Variants in MNT observed in about 807,000 individuals in gnomAD.
MNT encodes the protein max-binding protein MNT.
Under a neutral mutation model 40.7 loss-of-function variants are expected in MNT, and 13 were observed. The observed-to-expected ratio is 0.32, with a 90% CI of 0.21 to 0.51. The LOEUF (loss-of-function observed/expected upper bound fraction) is 0.51. MNT is among the 20% of genes least tolerant of loss of function. MNT has a pLI of 0.98. For synonymous variants in MNT, 426 were observed against 354.8 expected (o/e 1.20, Z -2.26); for missense variants, 757 against 792.0 (o/e 0.96, Z 0.53).
intron 1 of MNT, among the ~76,000 whole-genome samples, chr17:2,398,434 C>A (rs1040794896): frequency 2.0e-5 from 3 of 152,164 alleles, no homozygotes; most frequent in African/African-American, 7.2e-5. Context: ...GTCCTAGGTC[C>A]CGGGAAAGCG....
intron 1 of MNT, among the ~76,000 whole-genome samples, chr17:2,399,378 C>G (rs779752632): frequency 6.6e-6 from 1 of 152,196 alleles, no homozygotes; most frequent in Non-Finnish European, 1.5e-5. Flanking sequence ...CTTTCTCATC[C>G]TGGCTCATTC....
rs879922752 is a variant in MNT, at chr17:2,394,023, C to G, written c.807+20G>C. ...GGAGGGCGGGGGAAGCTGCGCGACGCCGGCCTCCGGGCCCCATACCTGGAT... is the reference window on the plus strand; with the variant it reads ...GGAGGGCGGGGGAAGCTGCGCGACGGCGGCCTCCGGGCCCCATACCTGGAT... On this transcript the variant is annotated intron_variant, in intron 4 of 5. Transcript: ENST00000174618. 4.5e-6 allele frequency: 7 copies of G among 1,539,850 alleles called. No individual in the cohort carries two copies. The highest frequency in any genetic ancestry group is 4.4e-6 in the Non-Finnish European group (5 of 1,140,612).
rs1567871391 is a variant in MNT at position 2,400,994 on chromosome 17, C to T, written c.-282G>A. ...CTTCTTCCCCTCCCTCTCTACCTCC[C>T]TTCCGATGCCTCCCGCCCCGCGGCC... On this transcript the variant is annotated 5_prime_UTR_variant, in exon 1 of 6. Transcript: ENST00000174618. The T allele has an allele frequency of 3.2e-6, 1 of 315,514 alleles. No homozygotes were observed. The highest frequency in any genetic ancestry group is 5.8e-6 in the Non-Finnish European group (1 of 171,592). 19.5% of individuals were successfully genotyped at this position (315,514 alleles called of 1,614,324 possible).
intron 4 of MNT, chr17:2,388,260 G>A: frequency 1.9e-6 from 1 of 538,812 alleles, no homozygotes; most frequent in Non-Finnish European, 3.3e-6. Context: ...TGGGCTCTTG[G>A]GACAGGCACC....
At chr17:2,399,600 G>A (rs572925895) in intron 1 of MNT, among the ~76,000 whole-genome samples, 24 of 152,200 alleles carry the variant, frequency 1.6e-4, no homozygotes, top group African/African-American at 5.5e-4. Context: ...CCCAGAGGCC[G>A]GGGCCCGGGC....
At chr17:2,391,262 T>A (rs2066511501) in intron 4 of MNT, 2 of 152,466 alleles carry the variant, frequency 1.3e-5, no homozygotes, top group African/African-American at 2.4e-5. Context: ...GTGCTGGGAT[T>A]ACAGGCGTGA....
At position 2,387,072 on chromosome 17, in the gene MNT, G is replaced by T; in HGVS notation, c.1578C>A (p.His526Gln). ...AVSHIAHTLS[H>Q]QQVNGTAGLG... ...GGCCGGCCGTGCCGTTGACTTGCTG[G>T]TGCGAGAGGGTGTGGGCGATGTGGC... Residue 526 changes from histidine (H) to glutamine (Q), a missense_variant, in exon 6 of 6, where the codon CAC becomes CAA. By Grantham distance (24) the His-to-Gln change is conservative. Around this residue, in one of 4 missense-constraint regions of MNT, gnomAD observed 345 missense variants for 380.1 expected, o/e 0.91. Coordinates refer to ENST00000174618, the MANE Select transcript of MNT (RefSeq NM_020310.3). 2 of 1,567,052 alleles carry T rather than the reference G, an allele frequency of 1.3e-6. No individual in the cohort carries two copies. Among genetic ancestry groups the T allele is most frequent in the South Asian group, 2.3e-5 (2 of 85,696 alleles).
chr17:2,388,796 C>T (rs1262138733), intron 4 of MNT, among the ~76,000 whole-genome samples: 4 of 152,168 alleles, frequency 2.6e-5, no homozygotes, highest in African/African-American at 4.8e-5. Context: ...TGCTCCAACC[C>T]GACACTTCAT....
intron 4 of MNT, chr17:2,388,293 G>GT: frequency 2.0e-6 from 1 of 506,614 alleles, no homozygotes; most frequent in South Asian, 2.8e-5. Context: ...TCAACCAGGT[G>GT]TGCAGGTCCT....
At chr17:2,392,399 G>T (rs1220030271) in intron 4 of MNT, among the ~76,000 whole-genome samples, 1 of 152,172 alleles carries the variant, frequency 6.6e-6, no homozygotes, top group African/African-American at 2.4e-5. Flanking sequence ...TGCGGCTGCT[G>T]CTGAGTCTTC....
intron 1 of MNT, among the ~76,000 whole-genome samples, chr17:2,398,737 C>T (rs540072871): frequency 2.6e-5 from 4 of 152,214 alleles, no homozygotes; most frequent in East Asian, 1.9e-4. Flanking sequence ...CTTAATCTCT[C>T]CGAACCTTGT....
Position 2,386,914 on chromosome 17 carries a change from A to T in MNT, c.1736T>A (p.Leu579His). 1 of 1,477,302 alleles carries T rather than the reference A, an allele frequency of 6.8e-7. No homozygotes were observed. The highest frequency in any genetic ancestry group is 9.0e-7 in the Non-Finnish European group (1 of 1,112,102). The allele number at this position is 1,477,302 out of a possible 1,614,324, so 91.5% of individuals were successfully genotyped here. A position where few individuals can be genotyped will look rare whatever the true frequency, so the allele number is the denominator to read the frequency against. The change falls in exon 6 of 6, where the codon CTC (leucine) becomes CAC (histidine). Residue 579 changes from leucine to histidine, a missense_variant. Leu to His is a moderately conservative substitution (Grantham distance 99). Coordinates refer to ENST00000174618, the MANE Select transcript of MNT (RefSeq NM_020310.3). The stretch of plus-strand genomic sequence containing the variant: ...GTGGCCTCGTCCTCAAGCCAGCTTG[A>T]GTGTGCTGACTGGGAAGGAGGGCAT... ...VTMPSFPVST[L>H]KLA
chr17:2,393,549 T>C (rs1319902505), intron 4 of MNT, among the ~76,000 whole-genome samples: 1 of 152,012 alleles, frequency 6.6e-6, no homozygotes, highest in Admixed American at 6.5e-5. Context: ...GAAAAGACCT[T>C]CCTCCTTTGG....
At position 2,400,568 on chromosome 17, in the gene MNT, G is replaced by A; in HGVS notation, c.73+72C>T. The A allele has an allele frequency of 4.2e-6, 6 of 1,443,698 alleles. No individual in the cohort carries two copies. The South Asian group carries it at 6.8e-5, about 16-fold the overall frequency. 89.4% of individuals were successfully genotyped at this position (1,443,698 alleles called of 1,614,324 possible). On this transcript the variant is annotated intron_variant, in intron 1 of 5. Transcript: ENST00000174618. ...GGGAGGGGGCCCTGTCCGCGGTTTC[G>A]CGTGGGTTCGGGGACCGGGGTCACT...
intron 4 of MNT, chr17:2,391,538 C>T (rs2066514535): frequency 6.6e-6 from 1 of 152,298 alleles, no homozygotes; most frequent in Non-Finnish European, 1.5e-5. Context: ...CACATTGCTT[C>T]AATCTAAACC....
At chr17:2,397,597 C>T (rs2066586485) in intron 1 of MNT, among the ~76,000 whole-genome samples, 1 of 152,166 alleles carries the variant, frequency 6.6e-6, no homozygotes, top group Non-Finnish European at 1.5e-5. Context: ...TTCTCACCTG[C>T]CCTCTCTCAC....
intron 1 of MNT, chr17:2,396,982 TCAA>T (rs1268229295): frequency 6.6e-6 from 1 of 152,290 alleles, no homozygotes; most frequent in Non-Finnish European, 1.5e-5. Flanking sequence ...CTTTGGCCAA[TCAA>T]CAACTGGAGT....
In MNT at chr17:2,394,129, C is replaced by G; in HGVS notation, c.721G>C (p.Glu241Gln). The G allele has an allele frequency of 6.2e-7, 1 of 1,608,956 alleles. No homozygotes were observed. The highest frequency in any genetic ancestry group is 1.1e-5 in the South Asian group (1 of 90,696). ...NRRAHLKECF[E>Q]TLKRNIPNVD... ...TTGGGGATGTTCCGCTTCAGGGTCT[C>G]AAAGCACTCTTTCAGATGGGCCCTC... The change falls in exon 4 of 6, where the codon GAG becomes CAG. Residue 241 changes from glutamate (E) to glutamine (Q), a missense_variant. Coordinates refer to ENST00000174618, the MANE Select transcript of MNT (RefSeq NM_020310.3).
intron 4 of MNT, among the ~76,000 whole-genome samples, chr17:2,392,465 C>T (rs941279539): frequency 1.3e-5 from 2 of 152,238 alleles, no homozygotes; most frequent in Non-Finnish European, 2.9e-5. Flanking sequence ...CAAGTAGTAT[C>T]TGCAAAGAGG....
Sources: gnomAD v4.1 joint callset for allele counts (sites outside exome capture counted in the v4.1 genomes callset) on GRCh38, gnomAD v4.1.1 for gene constraint, gnomAD v4.1.1 regional missense constraint, MANE v1.5 for transcripts, NCBI Gene and HGNC (gene_info 2026-07-23, HGNC 2026-07-21) for gene names.